FAM135B: variants seen among roughly 807,000 people sequenced by gnomAD.
The protein encoded by FAM135B is family with sequence similarity 135 member B, also known as protein FAM135B.
Under a neutral mutation model 127.7 loss-of-function variants are expected in FAM135B, and 43 were observed. That is an observed-to-expected ratio of 0.34 (90% confidence interval 0.26 to 0.43). The LOEUF (loss-of-function observed/expected upper bound fraction) is 0.43, where lower values mean the gene tolerates loss of function less well. FAM135B is among the 20% of genes least tolerant of loss of function. FAM135B has a pLI of 1.00. For synonymous variants in FAM135B, 670 were observed against 665.1 expected (o/e 1.01, Z -0.11); for missense variants, 1,558 against 1,725.6 (o/e 0.90, Z 1.72).
intron 2 of FAM135B, among the ~76,000 whole-genome samples, chr8:138,359,126 G>C (rs930938916): frequency 5.3e-5 from 8 of 152,114 alleles, no homozygotes; most frequent in African/African-American, 1.9e-4. Context: ...TTGGGTAACT[G>C]AAGTCTATTC....
chr8:138,151,187 A>G lies in FAM135B; in HGVS notation c.3281+7T>C, dbSNP rs757150051. On this transcript the variant is annotated splice_region_variant and intron_variant, in intron 13 of 19. Transcript: ENST00000395297. ...TGTGGGAAAGGTAAGCCCGTCAGCC[A>G]GCTTACCTAAACATCCTCTCACTGA... is the stretch of plus-strand genomic sequence containing the variant. 2.6e-6 allele frequency: 4 copies of G among 1,512,752 alleles called. No homozygotes were observed. Among genetic ancestry groups the G allele is most frequent in the African/African-American group, 1.4e-5 (1 of 71,658 alleles). The allele number at this position is 1,512,752 out of a possible 1,614,324, so 93.7% of individuals were successfully genotyped here. A position where few individuals can be genotyped will look rare whatever the true frequency, so the allele number is the denominator to read the frequency against.
chr8:138,227,695 G>A (rs545173197), intron 7 of FAM135B, among the ~76,000 whole-genome samples: 2 of 140,594 alleles, frequency 1.4e-5, no homozygotes, highest in African/African-American at 2.6e-5. Context: ...GCTTTCTGGT[G>A]TGTTTTAATT....
At position 138,436,525 on chromosome 8, in the gene FAM135B, C is replaced by G. The variant is rs1476223781; in HGVS notation, c.-20+60146G>C. 2.6e-5 allele frequency among the ~76,000 whole-genome samples: 4 copies of G among 152,198 alleles called. No homozygotes were observed. The East Asian group carries it at 7.7e-4, about 29-fold the overall frequency. ...GGTCCTGAGTCCAGCCTTCTGTGAACTGCAATGACAGGCTAGTCTGTGTTC... is the reference window on the plus strand; with the variant it reads ...GGTCCTGAGTCCAGCCTTCTGTGAAGTGCAATGACAGGCTAGTCTGTGTTC... On this transcript the variant is annotated intron_variant, in intron 1 of 19. Coordinates refer to ENST00000395297, the MANE Select transcript of FAM135B (RefSeq NM_015912.4).
At chr8:138,494,817 T>C (rs1441695167) in intron 1 of FAM135B, among the ~76,000 whole-genome samples, 1 of 149,352 alleles carries the variant, frequency 6.7e-6, no homozygotes, top group South Asian at 2.1e-4. Flanking sequence ...CTACTCTGTC[T>C]AAATCTCTGT....
chr8:138,141,646 G>T lies in FAM135B; in HGVS notation c.3639-297C>A, dbSNP rs1480969441. Among the ~76,000 whole-genome samples, 1 of 152,192 alleles carries T rather than the reference G, an allele frequency of 6.6e-6. No individual in the cohort carries two copies. Among genetic ancestry groups the T allele is most frequent in the African/African-American group, 2.4e-5 (1 of 41,446 alleles). On this transcript the variant is annotated intron_variant, in intron 16 of 19. Transcript: ENST00000395297. This position sits in a 1 kb window ranked among gnomAD's most constrained non-coding sequence, Gnocchi z 4.7. Reference sequence around the variant, plus strand: ...CTGCTTTAATTCCACCTGGGGGAAGGGAAGGTCCTTCCTGAAATGCACCTC... The same window carrying T: ...CTGCTTTAATTCCACCTGGGGGAAGTGAAGGTCCTTCCTGAAATGCACCTC...
At chr8:138,137,799 C>T (rs1050590518) in intron 18 of FAM135B, among the ~76,000 whole-genome samples, 5 of 152,154 alleles carry the variant, frequency 3.3e-5, no homozygotes, top group Admixed American at 3.3e-4. Flanking sequence ...CCCCACAATG[C>T]AGACAGAGGG....
intron 7 of FAM135B, among the ~76,000 whole-genome samples, chr8:138,234,252 T>A (rs1820108949): frequency 6.6e-6 from 1 of 152,190 alleles, no homozygotes; most frequent in Non-Finnish European, 1.5e-5. Context: ...TTTGAATCAT[T>A]GTACAACATT....
At chr8:138,427,083 G>T (rs1036117870) in intron 1 of FAM135B, among the ~76,000 whole-genome samples, 1 of 151,894 alleles carries the variant, frequency 6.6e-6, no homozygotes, top group Non-Finnish European at 1.5e-5. Context: ...GTATAAACCT[G>T]TTCAAAAATA....
In FAM135B at chr8:138,241,637, A is replaced by AGGAT. The variant is rs1470446815; in HGVS notation, c.669+1301_669+1304dup. On this transcript the variant is annotated intron_variant, in intron 7 of 19. Coordinates refer to ENST00000395297, the MANE Select transcript of FAM135B (RefSeq NM_015912.4). This position sits in a 1 kb window ranked among gnomAD's most constrained non-coding sequence, Gnocchi z 4.8. Reference sequence around the variant, plus strand: ...TGTGCACAGAGCCTGACTGTATAGGAGGATAGAACACCTCTTTTGCGGGGC... The same window carrying AGGAT: ...TGTGCACAGAGCCTGACTGTATAGGAGGATGGATAGAACACCTCTTTTGCGGGGC... Among the ~76,000 whole-genome samples the AGGAT allele has an allele frequency of 1.3e-5, 2 of 152,158 alleles. No individual in the cohort carries two copies. Among genetic ancestry groups the AGGAT allele is most frequent in the African/African-American group, 4.8e-5 (2 of 41,438 alleles).
intron 19 of FAM135B, among the ~76,000 whole-genome samples, chr8:138,133,251 C>T (rs141574049): frequency 1.9e-4 from 29 of 152,264 alleles, no homozygotes; most frequent in African/African-American, 6.0e-4. Context: ...GCATTTCACC[C>T]GACTCCTCTG....
chr8:138,243,366 C>G lies in FAM135B; in HGVS notation c.543-298G>C, dbSNP rs1203223704. On this transcript the variant is annotated intron_variant, in intron 6 of 19. Transcript: ENST00000395297. This position sits in a 1 kb window ranked among gnomAD's most constrained non-coding sequence, Gnocchi z 7.5. Reference sequence around the variant, plus strand: ...AGAAACACTGAAGCAGAGCTCCAAGCTTATATCACTAGAGGGGAAGGTGGC... The same window carrying G: ...AGAAACACTGAAGCAGAGCTCCAAGGTTATATCACTAGAGGGGAAGGTGGC... 2.0e-5 allele frequency among the ~76,000 whole-genome samples: 3 copies of G among 152,192 alleles called. No individual in the cohort carries two copies. Among genetic ancestry groups the G allele is most frequent in the Non-Finnish European group, 4.4e-5 (3 of 68,036 alleles).
At chr8:138,420,856 G>C (rs1443870366) in intron 1 of FAM135B, among the ~76,000 whole-genome samples, 1 of 152,148 alleles carries the variant, frequency 6.6e-6, no homozygotes, top group Non-Finnish European at 1.5e-5. Context: ...AATAACAAGA[G>C]ATGTCTAAGG....
intron 4 of FAM135B, among the ~76,000 whole-genome samples, chr8:138,260,691 C>T (rs1225909092): frequency 1.3e-5 from 2 of 152,168 alleles, no homozygotes; most frequent in African/African-American, 4.8e-5. Flanking sequence ...ACCCTTTCCA[C>T]TCACACAGTT....
At chr8:138,333,408 C>T (rs775472843) in intron 2 of FAM135B, among the ~76,000 whole-genome samples, 2 of 152,172 alleles carry the variant, frequency 1.3e-5, no homozygotes, top group Non-Finnish European at 2.9e-5. Context: ...GCAAATGCAT[C>T]ATGCCCTTCC....
intron 1 of FAM135B, among the ~76,000 whole-genome samples, chr8:138,423,472 T>C (rs1834647778): frequency 6.6e-6 from 1 of 152,126 alleles, no homozygotes; most frequent in Non-Finnish European, 1.5e-5. Flanking sequence ...AGACATCACA[T>C]GTCGGTAGGT....
chr8:138,155,861 C>A (rs1190289962), intron 12 of FAM135B, among the ~76,000 whole-genome samples: 1 of 152,036 alleles, frequency 6.6e-6, no homozygotes, highest in Non-Finnish European at 1.5e-5. Context: ...ATTTTAATAC[C>A]CCACTGTCAA....
chr8:138,416,544 G>A (rs1306188520), intron 1 of FAM135B, among the ~76,000 whole-genome samples: 1 of 152,076 alleles, frequency 6.6e-6, no homozygotes, highest in Non-Finnish European at 1.5e-5. Flanking sequence ...ATAAGTTCCA[G>A]AGGGTCAGAT....
intron 1 of FAM135B, among the ~76,000 whole-genome samples, chr8:138,404,109 C>G (rs1000464620): frequency 6.6e-6 from 1 of 151,990 alleles, no homozygotes; most frequent in African/African-American, 2.4e-5. Flanking sequence ...GGTTCAGTGC[C>G]AGACCACCAC....
chr8:138,310,013 C>T (rs6577910), intron 3 of FAM135B, among the ~76,000 whole-genome samples: 48,692 of 151,650 alleles, frequency 0.32, 7,942 homozygotes, highest in South Asian at 0.42. Flanking sequence ...AGATTGCAGG[C>T]GCCCGCCACC....
Sources: gnomAD v4.1 joint callset for allele counts (sites outside exome capture counted in the v4.1 genomes callset) on GRCh38, gnomAD v4.1.1 for gene constraint, Gnocchi (gnomAD v3.1) non-coding constraint, MANE v1.5 for transcripts, NCBI Gene and HGNC (gene_info 2026-07-23, HGNC 2026-07-21) for gene names.